DOCK1: variants seen among roughly 807,000 people sequenced by gnomAD.
The protein encoded by DOCK1 is dedicator of cytokinesis 1, also known as dedicator of cytokinesis protein 1.
DOCK1 carries 138 observed loss-of-function variants against 262.7 expected under a neutral mutation model. The ratio of observed to expected loss-of-function variants is 0.53; its 90% CI spans 0.46 to 0.61. The LOEUF (loss-of-function observed/expected upper bound fraction) is 0.61. Among genes scored for constraint, DOCK1 ranks in the 20% least tolerant of loss-of-function variants. The pLI, the probability that DOCK1 is intolerant of heterozygous loss-of-function variation, is 0.00. For missense variants in DOCK1, 1,908 were observed against 2,370.7 expected, an observed-to-expected ratio of 0.80 and a Z score of 4.05; for synonymous variants, 866 against 867.4, an observed-to-expected ratio of 1.00 and a Z score of 0.03.
chr10:127,401,928 A>G (rs2067248519), intron 38 of DOCK1, among the ~76,000 whole-genome samples: 1 of 152,156 alleles, frequency 6.6e-6, no homozygotes, highest in African/African-American at 2.4e-5. Flanking sequence ...TGCCAAGGGT[A>G]GTCTAGATTC....
At chr10:127,261,339 G>A (rs1347995199) in intron 29 of DOCK1, among the ~76,000 whole-genome samples, 22 of 135,590 alleles carry the variant, frequency 1.6e-4, no homozygotes, top group African/African-American at 4.6e-4. Context: ...GTGGGTGTGC[G>A]TGTGTGTACC....
chr10:127,141,468 C>T (rs547442900), intron 27 of DOCK1, among the ~76,000 whole-genome samples: 7 of 152,112 alleles, frequency 4.6e-5, no homozygotes, highest in South Asian at 4.2e-4. Flanking sequence ...TTTGGGAGGC[C>T]GAGGTGGGCG....
chr10:127,034,521 A>G (rs1193936911), intron 18 of DOCK1, among the ~76,000 whole-genome samples: 2 of 152,248 alleles, frequency 1.3e-5, no homozygotes, highest in Non-Finnish European at 1.5e-5. Flanking sequence ...GCGGGGCTCA[A>G]CTTGGGACTT....
intron 27 of DOCK1, among the ~76,000 whole-genome samples, chr10:127,156,254 A>C (rs553194717): frequency 6.6e-6 from 1 of 152,210 alleles, no homozygotes; most frequent in South Asian, 2.1e-4. Flanking sequence ...TGCTAGCCCC[A>C]CTTACAGAGG....
At chr10:127,188,421 A>G (rs567204114) in intron 27 of DOCK1, among the ~76,000 whole-genome samples, 1 of 152,272 alleles carries the variant, frequency 6.6e-6, no homozygotes, top group African/African-American at 2.4e-5. Flanking sequence ...GACGCAAAAC[A>G]TTTAGAATTC....
chr10:127,257,126 T>C (rs545518678), intron 28 of DOCK1, among the ~76,000 whole-genome samples: 1 of 152,312 alleles, frequency 6.6e-6, no homozygotes, highest in African/African-American at 2.4e-5. Flanking sequence ...CAGAATATAT[T>C]CTTGAAGAAG....
chr10:126,973,854 G>A (rs147037635), intron 2 of DOCK1, among the ~76,000 whole-genome samples: 1 of 152,068 alleles, frequency 6.6e-6, no homozygotes, highest in East Asian at 1.9e-4. Context: ...CCTCTAAGAT[G>A]ACTTTTTGGT....
chr10:126,936,955 C>G (rs1435454480), intron 1 of DOCK1, among the ~76,000 whole-genome samples: 6 of 152,202 alleles, frequency 3.9e-5, no homozygotes, highest in Non-Finnish European at 7.3e-5. Flanking sequence ...TCCCTTCCCC[C>G]TCTTCCTAGC....
At chr10:126,925,580 C>T (rs1412286499) in intron 1 of DOCK1, among the ~76,000 whole-genome samples, 1 of 152,152 alleles carries the variant, frequency 6.6e-6, no homozygotes, top group Non-Finnish European at 1.5e-5. Context: ...GACGGGATTT[C>T]ACCATGTTGG....
chr10:127,077,143 G>A lies in DOCK1; in HGVS notation c.2445+15367G>A, dbSNP rs531205236. On this transcript the variant is annotated intron_variant, in intron 23 of 51. Transcript: ENST00000623213. Reference sequence around the variant, plus strand: ...AGCGCGGTGGCTTATGCCTGTAATCGCAGCACTTTGGGAGGCTGAGGTGGG... The same window carrying A: ...AGCGCGGTGGCTTATGCCTGTAATCACAGCACTTTGGGAGGCTGAGGTGGG... Among the ~76,000 whole-genome samples the A allele has an allele frequency of 5.9e-5, 9 of 152,104 alleles. No homozygotes were observed. The East Asian group carries it at 1.2e-3, about 20-fold the overall frequency.
At chr10:127,071,204 T>C (rs1564780760) in intron 23 of DOCK1, among the ~76,000 whole-genome samples, 1 of 152,170 alleles carries the variant, frequency 6.6e-6, no homozygotes, top group Non-Finnish European at 1.5e-5. Context: ...TGCAGAGGGT[T>C]GGGTAGTCTG....
At chr10:127,156,556 CTTCTTCTTTTTTTTTT>C (rs1438987537) in intron 27 of DOCK1, among the ~76,000 whole-genome samples, 3 of 94,808 alleles carry the variant, frequency 3.2e-5, no homozygotes, top group African/African-American at 1.2e-4. Flanking sequence ...TCTTCTTCTT[CTTCTTCTTTTTTTTTT>C]TTTTTTTTTT....
At chr10:126,934,203 G>A (rs1338223450) in intron 1 of DOCK1, among the ~76,000 whole-genome samples, 1 of 151,986 alleles carries the variant, frequency 6.6e-6, no homozygotes, top group Non-Finnish European at 1.5e-5. Context: ...TTTATATATA[G>A]TATTTCTATT....
intron 29 of DOCK1, among the ~76,000 whole-genome samples, chr10:127,277,901 G>T (rs1350248218): frequency 2.0e-5 from 3 of 151,044 alleles, no homozygotes; most frequent in African/African-American, 7.3e-5. Context: ...CAAATCTTTA[G>T]AATTCGTTTT....
intron 21 of DOCK1, among the ~76,000 whole-genome samples, chr10:127,048,032 CG>C (rs1334755176): frequency 2.0e-5 from 3 of 152,148 alleles, no homozygotes; most frequent in African/African-American, 7.2e-5. Flanking sequence ...AAGCACCTAG[CG>C]GTAGAATTGC....
intron 51 of DOCK1, among the ~76,000 whole-genome samples, chr10:127,449,572 T>C (rs2070821289): frequency 6.6e-6 from 1 of 152,184 alleles, no homozygotes; most frequent in Non-Finnish European, 1.5e-5. Context: ...CCCAGGTGTC[T>C]TTGGTCTTTG....
chr10:126,948,400 A>G (rs1257615133), intron 1 of DOCK1, among the ~76,000 whole-genome samples: 1 of 75,668 alleles, frequency 1.3e-5, no homozygotes, highest in Admixed American at 1.2e-4. Flanking sequence ...GGTGGTTGGT[A>G]GTATTACTGT....
chr10:126,934,346 CA>C (rs1413694235), intron 1 of DOCK1, among the ~76,000 whole-genome samples: 1,649 of 152,354 alleles, frequency 0.011, 26 homozygotes, highest in African/African-American at 0.037. Context: ...ATGCTACGCT[CA>C]GGGGTAGCCT....
intron 2 of DOCK1, among the ~76,000 whole-genome samples, chr10:126,971,917 T>G (rs2038136304): frequency 6.6e-6 from 1 of 151,864 alleles, no homozygotes; most frequent in African/African-American, 2.4e-5. Context: ...GAAGCAATAT[T>G]TTTTTTTGTT....
Sources: allele counts gnomAD v4.1 joint callset (sites outside exome capture counted in the v4.1 genomes callset), GRCh38; gene constraint gnomAD v4.1.1; transcripts MANE v1.5; gene names NCBI Gene and HGNC (gene_info 2026-07-23, HGNC 2026-07-21).